The following CD8B2 variants were observed in gnomAD, a reference collection of about 807,000 sequenced individuals.
CD8B2 encodes T-cell surface glycoprotein CD8 beta-2 chain.
In CD8B2, 11 loss-of-function variants were observed where a neutral mutation model predicts 23.7. The ratio of observed to expected loss-of-function variants is 0.46; its 90% CI spans 0.29 to 0.77. The LOEUF is 0.77. CD8B2 is among the 30% of genes least tolerant of loss of function. The pLI is 0.09. For synonymous variants in CD8B2, 90 were observed against 109.3 expected (o/e 0.82, Z 1.10); for missense variants, 197 against 270.5 (o/e 0.73, Z 1.91).
Position 106,505,631 on chromosome 2 carries a change from A to G in CD8B2, c.621-1297A>G, listed in dbSNP as rs186670468. On this transcript the variant is annotated intron_variant, in intron 5 of 5. Coordinates refer to ENST00000643224, the MANE Select transcript of CD8B2 (RefSeq NM_001349727.2). Reference sequence around the variant, plus strand: ...ACTCTAAAATTGTAAATAGCCATATAAATTCATATTACTATATGCTCTGCA... The same window carrying G: ...ACTCTAAAATTGTAAATAGCCATATGAATTCATATTACTATATGCTCTGCA... Among the ~76,000 whole-genome samples, 295 of 152,344 alleles carry G rather than the reference A, an allele frequency of 1.9e-3. 2 individuals are homozygous for G. The highest frequency in any genetic ancestry group is 2.2e-3 in the Non-Finnish European group (152 of 68,032).
chr2:106,488,192 G>A (rs1323362290), intron 1 of CD8B2, among the ~76,000 whole-genome samples: 1 of 151,970 alleles, frequency 6.6e-6, no homozygotes, highest in East Asian at 1.9e-4. Context: ...TCTTGCCAGG[G>A]GGTGACAAGG....
chr2:106,500,717 C>T (rs1286018735), intron 3 of CD8B2, among the ~76,000 whole-genome samples: 5 of 152,112 alleles, frequency 3.3e-5, no homozygotes, highest in Non-Finnish European at 7.4e-5. Flanking sequence ...TGCAGCCTTG[C>T]CCTTTCACCC....
rs985855492 is a variant in CD8B2, at chr2:106,490,780, G to A, written c.44-94G>A. On this transcript the variant is annotated intron_variant, in intron 1 of 5. Transcript: ENST00000643224. ...CCAGTAACTGGGCAGGTTCTTCCAT[G>A]GCTTTTCCTTTGACACTTGACTCAG... The A allele has an allele frequency of 2.6e-6, 4 of 1,524,468 alleles. No individual in the cohort carries two copies. In the African/African-American group the frequency reaches 5.5e-5, roughly 21 times the overall value. 94.4% of individuals were successfully genotyped at this position (1,524,468 alleles called of 1,614,324 possible). A position where few individuals can be genotyped will look rare whatever the true frequency, so the allele number is the denominator to read the frequency against.
intron 2 of CD8B2, among the ~76,000 whole-genome samples, chr2:106,494,729 G>C (rs1353195825): frequency 6.6e-6 from 1 of 152,140 alleles, no homozygotes; most frequent in African/African-American, 2.4e-5. Context: ...AAAAATGAAG[G>C]AGAGGGGTGA....
chr2:106,523,238 A>G (rs1053398957), intron 5 of CD8B2, among the ~76,000 whole-genome samples: 1 of 152,156 alleles, frequency 6.6e-6, no homozygotes, highest in Non-Finnish European at 1.5e-5. Context: ...GAAATTTGCT[A>G]CCAAGTGATC....
chr2:106,504,248 C>T, intron 4 of CD8B2, 41 bp from the exon 5 acceptor site: 1 of 1,554,098 alleles, frequency 6.4e-7, no homozygotes, highest in Non-Finnish European at 8.7e-7. Context: ...CACAGTGACC[C>T]ACAGCCCACA....
chr2:106,518,749 T>C (rs964531595), intron 5 of CD8B2, among the ~76,000 whole-genome samples: 28 of 151,912 alleles, frequency 1.8e-4, no homozygotes, highest in African/African-American at 5.8e-4. Flanking sequence ...TACTTATCCC[T>C]CCGTCTATCA....
intron 5 of CD8B2, among the ~76,000 whole-genome samples, chr2:106,516,586 C>T (rs181438525): frequency 8.5e-5 from 13 of 152,236 alleles, no homozygotes; most frequent in Admixed American, 5.2e-4. Context: ...TATTGTCTTC[C>T]GGAGTGGCTG....
At chr2:106,500,732 G>A (rs183277547) in intron 3 of CD8B2, among the ~76,000 whole-genome samples, 17 of 152,130 alleles carry the variant, frequency 1.1e-4, no homozygotes, top group African/African-American at 2.2e-4. Flanking sequence ...TCACCCATGG[G>A]CCCTGCTTTG....
rs542255705 is a variant in CD8B2 at position 106,488,967 on chromosome 2, A to G, written c.43+1498A>G. Among the ~76,000 whole-genome samples the G allele has an allele frequency of 2.0e-5, 3 of 151,908 alleles. No individual in the cohort carries two copies. In the South Asian group the frequency reaches 6.3e-4, roughly 32 times the overall value. On this transcript the variant is annotated intron_variant, in intron 1 of 5. Coordinates refer to ENST00000643224, the MANE Select transcript of CD8B2 (RefSeq NM_001349727.2). ...AGCAGCCACTTGTGCCCCAGGCATCATTTCCTTCTTGTTTTTATTTTTATT... is the reference window on the plus strand; with the variant it reads ...AGCAGCCACTTGTGCCCCAGGCATCGTTTCCTTCTTGTTTTTATTTTTATT...
At chr2:106,502,307 A>C (rs1240264011) in intron 3 of CD8B2, among the ~76,000 whole-genome samples, 167 bp from the exon 4 acceptor site, 1 of 150,590 alleles carries the variant, frequency 6.6e-6, no homozygotes, top group Non-Finnish European at 1.5e-5. Flanking sequence ...AAAAAAAAAA[A>C]AAAAAAAAAA....
chr2:106,501,263 CA>C (rs1278267385), intron 3 of CD8B2, among the ~76,000 whole-genome samples: 3 of 151,888 alleles, frequency 2.0e-5, no homozygotes, highest in African/African-American at 7.3e-5. Flanking sequence ...TCCATGCTGT[CA>C]GATGTTACTC....
At chr2:106,516,674 G>A (rs781632725) in intron 5 of CD8B2, among the ~76,000 whole-genome samples, 41 of 152,028 alleles carry the variant, frequency 2.7e-4, no homozygotes, top group Non-Finnish European at 3.8e-4. Context: ...GAGCTCTTTC[G>A]TAAGCCTTTG....
At chr2:106,498,416 G>A (rs1477943203) in intron 3 of CD8B2, among the ~76,000 whole-genome samples, 10 of 152,266 alleles carry the variant, frequency 6.6e-5, no homozygotes, top group African/African-American at 2.4e-4. Context: ...CCAAAGTGCT[G>A]GGATTACAGG....
intron 3 of CD8B2, among the ~76,000 whole-genome samples, chr2:106,498,779 A>G (rs964513610): frequency 6.6e-6 from 1 of 152,164 alleles, no homozygotes; most frequent in African/African-American, 2.4e-5. Flanking sequence ...ATGCTATTAT[A>G]CACCAGGCAC....
chr2:106,536,959 T>C (rs184995317), intron 5 of CD8B2, among the ~76,000 whole-genome samples: 41 of 152,356 alleles, frequency 2.7e-4, no homozygotes, highest in Admixed American at 2.0e-3. Context: ...GACCTGCAGC[T>C]ATAGCCAGTG....
At chr2:106,529,900 G>A (rs1208729879) in intron 5 of CD8B2, among the ~76,000 whole-genome samples, 1 of 152,242 alleles carries the variant, frequency 6.6e-6, no homozygotes, top group Non-Finnish European at 1.5e-5. Flanking sequence ...GTGCTTTCCA[G>A]TACTGCAGGT....
intron 5 of CD8B2, among the ~76,000 whole-genome samples, chr2:106,537,359 A>G (rs1680105729): frequency 6.6e-6 from 1 of 152,132 alleles, no homozygotes; most frequent in South Asian, 2.1e-4. Flanking sequence ...GAAGCTCTTC[A>G]GTTTCAGAGT....
chr2:106,502,436 G>T (rs1296409577), intron 3 of CD8B2, 38 bp from the exon 4 acceptor site: 14 of 1,257,362 alleles, frequency 1.1e-5, no homozygotes, highest in Non-Finnish European at 1.6e-5. Context: ...GCAGAAAAAT[G>T]TTCTGTGTTG....
Sources: gnomAD v4.1 joint callset for allele counts (sites outside exome capture counted in the v4.1 genomes callset) on GRCh38, gnomAD v4.1.1 for gene constraint, MANE v1.5 for transcripts, NCBI Gene and HGNC (gene_info 2026-07-23, HGNC 2026-07-21) for gene names.